Variants in TMEM132C observed in about 807,000 individuals in gnomAD.
TMEM132C encodes the protein protein phosphatase 1, regulatory subunit 152.
TMEM132C carries 29 observed loss-of-function variants against 61.4 expected under a neutral mutation model. That is an observed-to-expected ratio of 0.47 (90% CI 0.35 to 0.64). TMEM132C has a LOEUF of 0.64. TMEM132C is among the 30% of genes least tolerant of loss of function. The pLI is 0.00. For missense variants in TMEM132C, 1,408 were observed against 1,476.9 expected (o/e 0.95, Z 0.76); for synonymous variants, 656 against 633.1 (o/e 1.04, Z -0.54).
At chr12:128,621,706 C>T (rs1489422) in intron 4 of TMEM132C, among the ~76,000 whole-genome samples, 12,898 of 152,204 alleles carry the variant, frequency 0.085, 1,857 homozygotes, top group African/African-American at 0.29. Context: ...GTCTTGCGGG[C>T]GTGTGGTCCT....
intron 2 of TMEM132C, among the ~76,000 whole-genome samples, chr12:128,527,985 T>C (rs1873149082): frequency 6.6e-6 from 1 of 152,178 alleles, no homozygotes; most frequent in South Asian, 2.1e-4. Context: ...ATGAAGCTGC[T>C]AGGAGATTTT....
At chr12:128,674,723 T>A (rs1243395373) in intron 5 of TMEM132C, among the ~76,000 whole-genome samples, 1 of 152,202 alleles carries the variant, frequency 6.6e-6, no homozygotes, top group Non-Finnish European at 1.5e-5. Context: ...GGTATTTGGT[T>A]ACATGAGTAA....
chr12:128,356,559 GT>G (rs1873511359), intron 1 of TMEM132C, among the ~76,000 whole-genome samples: 1 of 152,222 alleles, frequency 6.6e-6, no homozygotes, highest in South Asian at 2.1e-4. Context: ...AGATACTAGA[GT>G]TAAAACAGAA....
At chr12:128,659,939 C>T (rs991022943) in intron 4 of TMEM132C, among the ~76,000 whole-genome samples, 1 of 152,212 alleles carries the variant, frequency 6.6e-6, no homozygotes, top group African/African-American at 2.4e-5. Flanking sequence ...CTGGACCTCT[C>T]ACTTGGGGTT....
Position 128,459,233 on chromosome 12 carries a change from A to G in TMEM132C, c.974+43613A>G, listed in dbSNP as rs185376144. Among the ~76,000 whole-genome samples, 5 of 152,300 alleles carry G rather than the reference A, an allele frequency of 3.3e-5. No homozygotes were observed. In the East Asian group the frequency reaches 7.7e-4, roughly 24 times the overall value. ...GACTGATGAGAGAATGTAGCCATTGAGAGCCCTGGATCACACAGTTAGTAA... is the reference window on the plus strand; with the variant it reads ...GACTGATGAGAGAATGTAGCCATTGGGAGCCCTGGATCACACAGTTAGTAA... On this transcript the variant is annotated intron_variant, in intron 2 of 8. Coordinates refer to ENST00000435159, the MANE Select transcript of TMEM132C (RefSeq NM_001136103.3).
chr12:128,655,181 C>T (rs569749472), intron 4 of TMEM132C, among the ~76,000 whole-genome samples: 45 of 152,300 alleles, frequency 3.0e-4, no homozygotes, highest in Admixed American at 1.9e-3. Context: ...TGGTCTGCTC[C>T]GTCAGGGCTG....
intron 3 of TMEM132C, among the ~76,000 whole-genome samples, chr12:128,588,413 C>T (rs1481099978): frequency 1.3e-5 from 2 of 152,150 alleles, no homozygotes; most frequent in African/African-American, 4.8e-5. Flanking sequence ...GCCTGGGTGA[C>T]AGCAAGAAGC....
chr12:128,680,619 A>G (rs1954627353), intron 5 of TMEM132C, among the ~76,000 whole-genome samples: 1 of 152,222 alleles, frequency 6.6e-6, no homozygotes, highest in South Asian at 2.1e-4. Context: ...GGACATTTCC[A>G]TCATCACAGA....
intron 2 of TMEM132C, among the ~76,000 whole-genome samples, chr12:128,447,137 G>A (rs1190683913): frequency 6.6e-6 from 1 of 152,154 alleles, no homozygotes; most frequent in African/African-American, 2.4e-5. Context: ...CTCAAAAATG[G>A]CCACTTGCTT....
intron 1 of TMEM132C, among the ~76,000 whole-genome samples, chr12:128,300,098 T>C (rs902085973): frequency 6.6e-6 from 1 of 152,160 alleles, no homozygotes; most frequent in African/African-American, 2.4e-5. Flanking sequence ...TCAAAGCAGG[T>C]GGTGCTTTAA....
intron 3 of TMEM132C, among the ~76,000 whole-genome samples, chr12:128,566,762 C>T (rs1180592014): frequency 6.6e-6 from 1 of 152,166 alleles, no homozygotes; most frequent in Non-Finnish European, 1.5e-5. Context: ...AGAGCTTAGA[C>T]TCAGAAAAGA....
chr12:128,576,615 C>T (rs146971101), intron 3 of TMEM132C, among the ~76,000 whole-genome samples: 67 of 152,338 alleles, frequency 4.4e-4, no homozygotes, highest in African/African-American at 1.5e-3. Flanking sequence ...TTTGCTGGCA[C>T]TTGGTATGCA....
intron 3 of TMEM132C, among the ~76,000 whole-genome samples, chr12:128,550,876 C>A (rs561286687): frequency 6.6e-6 from 1 of 152,298 alleles, no homozygotes; most frequent in Admixed American, 6.5e-5. Context: ...CTGGGAGCTT[C>A]TTCCTGGGAT....
intron 3 of TMEM132C, among the ~76,000 whole-genome samples, chr12:128,573,439 C>T (rs977655085): frequency 6.6e-6 from 1 of 151,796 alleles, no homozygotes; most frequent in African/African-American, 2.4e-5. Context: ...ACATCACACA[C>T]CGGGGCCTGT....
At chr12:128,659,211 C>T (rs1954359322) in intron 4 of TMEM132C, among the ~76,000 whole-genome samples, 2 of 152,124 alleles carry the variant, frequency 1.3e-5, no homozygotes, top group South Asian at 4.1e-4. Flanking sequence ...ATGTAAAAAT[C>T]ATTCTTGGCT....
rs146272857 is a variant in TMEM132C at position 128,488,086 on chromosome 12, G to A, written c.975-55871G>A. ...ATTTGTAGCACTTGCCAGTTCCCAC[G>A]GTGTAACTACTCACACCATAGCTAA... is the stretch of plus-strand genomic sequence containing the variant. On this transcript the variant is annotated intron_variant, in intron 2 of 8. Coordinates refer to ENST00000435159, the MANE Select transcript of TMEM132C (RefSeq NM_001136103.3). Among the ~76,000 whole-genome samples the A allele has an allele frequency of 1.4e-3, 206 of 152,226 alleles. 2 individuals carry two copies. Among genetic ancestry groups the A allele is most frequent in the Middle Eastern group, 6.8e-3 (2 of 294 alleles).
intron 2 of TMEM132C, among the ~76,000 whole-genome samples, chr12:128,445,976 C>T (rs1300447998): frequency 1.3e-5 from 2 of 152,186 alleles, no homozygotes; most frequent in Non-Finnish European, 2.9e-5. Flanking sequence ...TCTACAAAGC[C>T]TCTGACAACT....
At chr12:128,585,530 G>A (rs968325303) in intron 3 of TMEM132C, among the ~76,000 whole-genome samples, 3 of 152,240 alleles carry the variant, frequency 2.0e-5, no homozygotes, top group African/African-American at 7.2e-5. Context: ...GTGCACAAAG[G>A]CACTGAGACA....
At chr12:128,411,195 C>G (rs1868524975) in intron 1 of TMEM132C, among the ~76,000 whole-genome samples, 1 of 152,178 alleles carries the variant, frequency 6.6e-6, no homozygotes, top group Non-Finnish European at 1.5e-5. Context: ...CCGAAACCTA[C>G]CTGTGTGTCC....
Sources: allele counts gnomAD v4.1 joint callset (sites outside exome capture counted in the v4.1 genomes callset), GRCh38; gene constraint gnomAD v4.1.1; transcripts MANE v1.5; gene names NCBI Gene and HGNC (gene_info 2026-07-23, HGNC 2026-07-21).